HAUS3: variants seen among roughly 807,000 people sequenced by gnomAD.
HAUS3 encodes HAUS augmin like complex subunit 3, also known as HAUS augmin-like complex subunit 3.
Under a neutral mutation model 55.2 loss-of-function variants are expected in HAUS3, and 36 were observed. The ratio of observed to expected loss-of-function variants is 0.65; its 90% CI spans 0.50 to 0.86. The LOEUF is 0.86. HAUS3 is among the 40% of genes least tolerant of loss of function. HAUS3 has a pLI of 0.00. For missense variants in HAUS3, 752 were observed against 671.5 expected, an observed-to-expected ratio of 1.12 and a Z score of -1.33; for synonymous variants, 234 against 238.6, an observed-to-expected ratio of 0.98 and a Z score of 0.18.
At chr4:2,236,819 C>T (rs867951483) in intron 4 of HAUS3, among the ~76,000 whole-genome samples, 4 of 151,552 alleles carry the variant, frequency 2.6e-5, no homozygotes, top group Middle Eastern at 6.8e-3. Context: ...ACCCAGATTG[C>T]GCCACTGCAC....
At chr4:2,233,456 A>G (rs1487241676) in intron 5 of HAUS3, among the ~76,000 whole-genome samples, 2 of 152,122 alleles carry the variant, frequency 1.3e-5, no homozygotes, top group African/African-American at 4.8e-5. Flanking sequence ...TCACATTTTA[A>G]CATATCTGAA....
chr4:2,238,058 TGAG>T (rs1017924002), intron 4 of HAUS3, among the ~76,000 whole-genome samples: 4 of 152,128 alleles, frequency 2.6e-5, no homozygotes, highest in African/African-American at 9.7e-5. Context: ...TGGAGAAAAA[TGAG>T]GAGTAGGAGA....
chr4:2,241,955 C>A, intron 1 of HAUS3, 96 bp downstream of exon 1: 2 of 985,446 alleles, frequency 2.0e-6, no homozygotes, highest in South Asian at 9.4e-5. Flanking sequence ...CCCAGGAGCG[C>A]AGGAAAAAAA....
Position 2,240,427 on chromosome 4 carries a change from T to G in HAUS3, c.520A>C (p.Thr174Pro). Reference sequence around the variant, plus strand: ...TGTCTGAAGAACATCATCAATTGTGTAACTTCATCAGTAAGAGCCTGAAGT... The same window carrying G: ...TGTCTGAAGAACATCATCAATTGTGGAACTTCATCAGTAAGAGCCTGAAGT... ...NELQALTDEV[T>P]QLMMFFRHSN... Residue 174 changes from threonine to proline, a missense_variant, in exon 3 of 6, where the codon ACA (threonine) becomes CCA (proline). By Grantham distance (38) the Thr-to-Pro change is conservative (BLOSUM62 -1). Coordinates refer to ENST00000443786, the MANE Select transcript of HAUS3 (RefSeq NM_001303143.2). The G allele has an allele frequency of 1.9e-6, 3 of 1,613,824 alleles. No individual in the cohort carries two copies. The highest frequency in any genetic ancestry group is 2.5e-6 in the Non-Finnish European group (3 of 1,179,866).
rs766504543 is a variant in HAUS3 at position 2,240,378 on chromosome 4, T to G, written c.569A>C (p.Asn190Thr). ...AAATTGCGATAAAAATACCAGTGGA[T>G]TTGTCCCTTGACCTAAATTAGAATG... ...FRHSNLGQGT[N>T]PLVFLSQFSL... The change falls in exon 3 of 6, where the codon AAT (asparagine) becomes ACT (threonine). Residue 190 changes from asparagine to threonine, a missense_variant. Coordinates refer to ENST00000443786, the MANE Select transcript of HAUS3 (RefSeq NM_001303143.2). The G allele has an allele frequency of 6.2e-7, 1 of 1,607,454 alleles. No homozygotes were observed. The highest frequency in any genetic ancestry group is 2.2e-5 in the East Asian group (1 of 44,812).
intron 4 of HAUS3, among the ~76,000 whole-genome samples, chr4:2,236,907 ATTAT>A (rs1271313302): frequency 1.3e-5 from 2 of 149,926 alleles, no homozygotes; most frequent in Non-Finnish European, 3.0e-5. Flanking sequence ...TAATATTATT[ATTAT>A]TTGTGTGCCT....
rs1734947869 is a variant in HAUS3 at position 2,240,620 on chromosome 4, T to C, written c.327A>G (p.Leu109=). 1.2e-6 allele frequency: 2 copies of C among 1,613,310 alleles called. No homozygotes were observed. The highest frequency in any genetic ancestry group is 8.5e-7 in the Non-Finnish European group (1 of 1,179,864). Residue 109 remains leucine (L), a synonymous_variant, in exon 3 of 6, where the codon CTA becomes CTG. Transcript: ENST00000443786. ...GAATTTTTAGGTTCTTTAATTTCAGTAGAGTTTGAACCTCATCCTCTAATT... is the reference window on the plus strand; with the variant it reads ...GAATTTTTAGGTTCTTTAATTTCAGCAGAGTTTGAACCTCATCCTCTAATT... The part of the protein sequence containing the change: ...LEKLEDEVQT[L]LKLKNLKIQR...
In HAUS3 at chr4:2,236,342, C is replaced by A. The variant is rs755075653; in HGVS notation, c.1464G>T (p.Gln488His). The A allele has an allele frequency of 6.2e-7, 1 of 1,613,230 alleles. No individual in the cohort carries two copies. Among genetic ancestry groups the A allele is most frequent in the Non-Finnish European group, 8.5e-7 (1 of 1,179,270 alleles). ...AATGTTCTTGAGCAGATACTGCCAA[C>A]TGATCTTGTACTAAAGAAATATTCT... ...LKQNISLVQDQLAVSAQEHSF... is the reference protein window; with the variant it reads ...LKQNISLVQDHLAVSAQEHSF... Residue 488 changes from glutamine to histidine, a missense_variant, in exon 5 of 6, where the codon CAG becomes CAT. Gln to His is a conservative substitution (Grantham distance 24). Transcript: ENST00000443786.
In HAUS3 at chr4:2,241,711, C is replaced by A; in HGVS notation, c.-339G>T. The stretch of plus-strand genomic sequence containing the variant: ...AGCGGCAAGCCCCAGGGATCCGCGG[C>A]CCCAAGGCCGCGATACACCAGACGC... On this transcript the variant is annotated 5_prime_UTR_variant, in exon 2 of 6. Transcript: ENST00000443786. 1 of 985,492 alleles carries A rather than the reference C, an allele frequency of 1.0e-6. No individual in the cohort carries two copies. The allele number at this position is 985,492 out of a possible 1,614,324, so 61.0% of individuals were successfully genotyped here. A position where few individuals can be genotyped will look rare whatever the true frequency, so the allele number is the denominator to read the frequency against.
chr4:2,233,079 A>G (rs1439195920), intron 5 of HAUS3, among the ~76,000 whole-genome samples: 1 of 152,224 alleles, frequency 6.6e-6, no homozygotes. Flanking sequence ...AAGAATGACT[A>G]CTTAAGACCT....
Position 2,231,139 on chromosome 4 carries a change from A to T in HAUS3, c.*788T>A, listed in dbSNP as rs562070652. 6.6e-6 allele frequency: 1 copy of T among 152,220 alleles called. No homozygotes were observed. 9.4% of individuals were successfully genotyped at this position (152,220 alleles called of 1,614,324 possible). A position where few individuals can be genotyped will look rare whatever the true frequency, so the allele number is the denominator to read the frequency against. ...AGGAAGTCCTAATACTCTGTGGTAC[A>T]AGTAGGGACATTAAAACAGCCTAAA... On this transcript the variant is annotated 3_prime_UTR_variant, in exon 6 of 6. Transcript: ENST00000443786.
rs762430176 is a variant in HAUS3, at chr4:2,240,809, A to G, written c.138T>C (p.Asn46=). The G allele has an allele frequency of 1.2e-6, 2 of 1,613,940 alleles. No individual in the cohort carries two copies. The highest frequency in any genetic ancestry group is 2.2e-5 in the South Asian group (2 of 91,062). Residue 46 remains asparagine, a synonymous_variant, in exon 3 of 6, where the codon AAT becomes AAC. Transcript: ENST00000443786. ...DESFLKWFCG[N]VNEQNVLSER... ...CAGACAACACGTTCTGTTCATTCAC[A>G]TTCCCACAAAACCACTTCAGAAACG...
intron 2 of HAUS3, 61 bp downstream of exon 2, chr4:2,241,459 C>CAA (rs1206241894): frequency 1.9e-5 from 19 of 979,998 alleles, no homozygotes; most frequent in Non-Finnish European, 2.1e-5. Context: ...TCCCTGCCCT[C>CAA]CGTACGTAAG....
At chr4:2,234,137 T>C (rs1187445427) in intron 5 of HAUS3, 1 of 152,224 alleles carries the variant, frequency 6.6e-6, no homozygotes, top group African/African-American at 2.4e-5. Context: ...ATCAAGACAG[T>C]ATAGTTAACA....
In HAUS3 at chr4:2,231,879, TAATA is replaced by T. The variant is rs1284361519; in HGVS notation, c.*44_*47del. Reference sequence around the variant, plus strand: ...GTAGTGTTTATTATACACAGTCTTCTAATAAATAAAAGAGGACACGTAATAAAGA... The same window carrying T: ...GTAGTGTTTATTATACACAGTCTTCTAATAAAAGAGGACACGTAATAAAGA... On this transcript the variant is annotated 3_prime_UTR_variant, in exon 6 of 6. Coordinates refer to ENST00000443786, the MANE Select transcript of HAUS3 (RefSeq NM_001303143.2). 2.4e-6 allele frequency: 2 copies of T among 822,834 alleles called. No individual in the cohort carries two copies. 51.0% of individuals were successfully genotyped at this position (822,834 alleles called of 1,614,324 possible).
rs112348987 is a variant in HAUS3, at chr4:2,240,712, C to T, written c.235G>A (p.Glu79Lys). The T allele has an allele frequency of 1.2e-6, 2 of 1,614,016 alleles. No homozygotes were observed. The highest frequency in any genetic ancestry group is 1.6e-4 in the Middle Eastern group (1 of 6,062). Residue 79 changes from glutamate (E) to lysine (K), a missense_variant, in exon 3 of 6, where the codon GAA becomes AAA. Glu to Lys is a moderately conservative substitution (Grantham distance 56). Coordinates refer to ENST00000443786, the MANE Select transcript of HAUS3 (RefSeq NM_001303143.2). Reference protein sequence around the residue: ...KPILEGAALDEALKTCKTSDL... With the variant: ...KPILEGAALDKALKTCKTSDL... ...GAAGTTTTACACGTTTTAAGAGCTT[C>T]ATCCAATGCCGCCCCTTCTAGAATA...
At chr4:2,233,036 ATACGC>A (rs992990387) in intron 5 of HAUS3, among the ~76,000 whole-genome samples, 4 of 152,176 alleles carry the variant, frequency 2.6e-5, no homozygotes, top group African/African-American at 9.7e-5. Flanking sequence ...CTGCGTTTTG[ATACGC>A]TCCCTGATGA....
chr4:2,238,633 G>A lies in HAUS3; in HGVS notation c.1320C>T (p.Thr440=). ...SVSQQINPRN[T]IDTKDYSTHR... Reference sequence around the variant, plus strand: ...GAGTAGAATAATCCTTAGTATCAATGGTATTCCTTGGATTTATCTGTTGAG... The same window carrying A: ...GAGTAGAATAATCCTTAGTATCAATAGTATTCCTTGGATTTATCTGTTGAG... The change falls in exon 4 of 6, where the codon ACC becomes ACT. Residue 440 remains threonine, a synonymous_variant. Transcript: ENST00000443786. 1.2e-6 allele frequency: 2 copies of A among 1,606,022 alleles called. No homozygotes were observed. Among genetic ancestry groups the A allele is most frequent in the Non-Finnish European group, 1.7e-6 (2 of 1,173,766 alleles).
At position 2,238,672 on chromosome 4, in the gene HAUS3, T is replaced by A; in HGVS notation, c.1281A>T (p.Thr427=). 6.2e-7 allele frequency: 1 copy of A among 1,613,146 alleles called. No individual in the cohort carries two copies. Among genetic ancestry groups the A allele is most frequent in the South Asian group, 1.1e-5 (1 of 91,054 alleles). The change falls in exon 4 of 6, where the codon ACA becomes ACT. Residue 427 remains threonine, a synonymous_variant. Transcript: ENST00000443786. ...MMLYKQLEML[T]DPSVSQQINP... is the part of the protein sequence containing the mutation. ...TTATCTGTTGAGAAACTGATGGATCTGTTAACATTTCTAATTGCTTGTAGA... is the reference window on the plus strand; with the variant it reads ...TTATCTGTTGAGAAACTGATGGATCAGTTAACATTTCTAATTGCTTGTAGA...
Sources: gnomAD v4.1 joint callset for allele counts (sites outside exome capture counted in the v4.1 genomes callset) on GRCh38, gnomAD v4.1.1 for gene constraint, MANE v1.5 for transcripts, NCBI Gene and HGNC (gene_info 2026-07-23, HGNC 2026-07-21) for gene names.